The following GRM3 variants were observed in gnomAD, a reference collection of about 807,000 sequenced individuals.
GRM3 encodes glutamate metabotropic receptor 3, also known as metabotropic glutamate receptor 3.
In GRM3, 26 loss-of-function variants were observed where a neutral mutation model predicts 70.5. The observed-to-expected ratio is 0.37, with a 90% confidence interval of 0.27 to 0.51. The LOEUF (loss-of-function observed/expected upper bound fraction) is 0.51, where lower values mean the gene tolerates loss of function less well. Among genes scored for constraint, GRM3 ranks in the 20% least tolerant of loss-of-function variants. GRM3 has a pLI of 0.93. For synonymous variants in GRM3, 443 were observed against 434.9 expected, an observed-to-expected ratio of 1.02 and a Z score of -0.23; for missense variants, 859 against 1,123.8, an observed-to-expected ratio of 0.76 and a Z score of 3.37.
At chr7:86,795,700 T>C (rs1274177344) in intron 3 of GRM3, among the ~76,000 whole-genome samples, 1 of 152,174 alleles carries the variant, frequency 6.6e-6, no homozygotes, top group Non-Finnish European at 1.5e-5. Flanking sequence ...GTTCCATGTC[T>C]TTGCTATAGT....
intron 2 of GRM3, among the ~76,000 whole-genome samples, chr7:86,778,220 T>C (rs1427810014): frequency 6.6e-6 from 1 of 152,216 alleles, no homozygotes; most frequent in African/African-American, 2.4e-5. Flanking sequence ...AATAACATTC[T>C]TCTTGGAAGT....
intron 1 of GRM3, among the ~76,000 whole-genome samples, chr7:86,731,502 C>G (rs1408970506): frequency 6.6e-6 from 1 of 152,122 alleles, no homozygotes; most frequent in Non-Finnish European, 1.5e-5. Context: ...AATAAAAAAG[C>G]TAATTTTACA....
chr7:86,701,954 A>G (rs1322831843), intron 1 of GRM3, among the ~76,000 whole-genome samples: 1 of 152,000 alleles, frequency 6.6e-6, no homozygotes. Flanking sequence ...TACACTAAGG[A>G]AGACACTGAC....
intron 1 of GRM3, among the ~76,000 whole-genome samples, chr7:86,679,285 G>A (rs374511569): frequency 2.1e-4 from 32 of 151,860 alleles, no homozygotes; most frequent in African/African-American, 6.8e-4. Flanking sequence ...TAAGTTATGC[G>A]ATAAAACAAT....
intron 1 of GRM3, among the ~76,000 whole-genome samples, chr7:86,676,343 T>C (rs2115935477): frequency 6.6e-6 from 1 of 152,030 alleles, no homozygotes; most frequent in African/African-American, 2.4e-5. Flanking sequence ...TCAATAAAAG[T>C]GTAAGACTGA....
chr7:86,752,571 T>G (rs1409367018), intron 1 of GRM3, among the ~76,000 whole-genome samples: 1 of 152,018 alleles, frequency 6.6e-6, no homozygotes, highest in African/African-American at 2.4e-5. Flanking sequence ...TACAACAAGA[T>G]AGTAGGGGTC....
rs115386043 is a variant in GRM3 at position 86,664,165 on chromosome 7, C to A, written c.-141+19293C>A. Among the ~76,000 whole-genome samples, 741 of 151,552 alleles carry A rather than the reference C, an allele frequency of 4.9e-3. 7 individuals carry two copies. Among genetic ancestry groups the A allele is most frequent in the African/African-American group, 0.017 (699 of 41,320 alleles). On this transcript the variant is annotated intron_variant, in intron 1 of 5. Coordinates refer to ENST00000361669, the MANE Select transcript of GRM3 (RefSeq NM_000840.3). Reference sequence around the variant, plus strand: ...AATTTTTCTTTTTTTTAAAAAAGACCCTCACTGGAATGTGGAGAATGATGG... The same window carrying A: ...AATTTTTCTTTTTTTTAAAAAAGACACTCACTGGAATGTGGAGAATGATGG...
At chr7:86,720,628 C>A (rs527739670) in intron 1 of GRM3, among the ~76,000 whole-genome samples, 18 of 152,158 alleles carry the variant, frequency 1.2e-4, no homozygotes, top group Non-Finnish European at 2.4e-4. Context: ...TACCCTATAC[C>A]CTTACTACTT....
chr7:86,835,162 A>G lies in GRM3; in HGVS notation c.1325-3677A>G, dbSNP rs1347937300. ...ATTTGGGTATCAGGGGATTTAATAT[A>G]TGACAAGTATTATAAATCAGTGGAA... On this transcript the variant is annotated intron_variant, in intron 3 of 5. Coordinates refer to ENST00000361669, the MANE Select transcript of GRM3 (RefSeq NM_000840.3). Among the ~76,000 whole-genome samples, 7 of 152,114 alleles carry G rather than the reference A, an allele frequency of 4.6e-5. No individual in the cohort carries two copies. In the East Asian group the frequency reaches 1.3e-3, roughly 29 times the overall value.
intron 1 of GRM3, among the ~76,000 whole-genome samples, chr7:86,713,022 T>C (rs1039249266): frequency 6.6e-6 from 1 of 152,122 alleles, no homozygotes; most frequent in African/African-American, 2.4e-5. Context: ...AAATGGTGGT[T>C]CTATATTTAG....
At position 86,786,796 on chromosome 7, in the gene GRM3, G is replaced by C. The variant is rs1310943609; in HGVS notation, c.1004G>C (p.Arg335Pro). 6.2e-7 allele frequency: 1 copy of C among 1,614,018 alleles called. No homozygotes were observed. The highest frequency in any genetic ancestry group is 1.3e-5 in the African/African-American group (1 of 74,946). Residue 335 changes from arginine to proline, a missense_variant, in exon 3 of 6, where the codon CGC becomes CCC. Transcript: ENST00000361669. The surrounding 1 kb of genome is among the most constrained non-coding windows in gnomAD (Gnocchi z 6.0). ...LASQPVRQFDRYFQSLNPYNN... is the reference protein window; with the variant it reads ...LASQPVRQFDPYFQSLNPYNN... ...TCCCAGCCTGTCCGCCAGTTCGACC[G>C]CTACTTCCAGAGCCTCAACCCCTAC...
At chr7:86,706,880 C>A (rs529047939) in intron 1 of GRM3, among the ~76,000 whole-genome samples, 1 of 151,978 alleles carries the variant, frequency 6.6e-6, no homozygotes, top group East Asian at 1.9e-4. Flanking sequence ...CTTTGTATTT[C>A]CTTACAGGGA....
intron 3 of GRM3, among the ~76,000 whole-genome samples, chr7:86,799,494 G>A (rs1797633456): frequency 6.6e-6 from 1 of 151,980 alleles, no homozygotes; most frequent in African/African-American, 2.4e-5. Context: ...TTTGTTATAA[G>A]TGTCTCCTAT....
At chr7:86,791,368 T>C (rs966491716) in intron 3 of GRM3, among the ~76,000 whole-genome samples, 20 of 152,230 alleles carry the variant, frequency 1.3e-4, no homozygotes, top group Non-Finnish European at 2.4e-4. Flanking sequence ...GTGTATGACT[T>C]CTAGAGTGGC....
At chr7:86,673,056 G>A (rs1794213028) in intron 1 of GRM3, among the ~76,000 whole-genome samples, 2 of 152,076 alleles carry the variant, frequency 1.3e-5, no homozygotes, top group Admixed American at 1.3e-4. Context: ...CTATGGGATT[G>A]TTATCAGGTT....
chr7:86,654,923 A>G lies in GRM3; in HGVS notation c.-141+10051A>G, dbSNP rs113653233. 6.9e-3 allele frequency among the ~76,000 whole-genome samples: 1,050 copies of G among 152,354 alleles called. 18 individuals carry two copies. The highest frequency in any genetic ancestry group is 0.024 in the African/African-American group (985 of 41,586). On this transcript the variant is annotated intron_variant, in intron 1 of 5. Transcript: ENST00000361669. The stretch of plus-strand genomic sequence containing the variant: ...AGACAATAAACAAGAGAACAAATAC[A>G]GTGTGAAGAAAATAGAATGAGGGAT...
At chr7:86,824,069 A>C (rs1253691131) in intron 3 of GRM3, among the ~76,000 whole-genome samples, 1 of 152,160 alleles carries the variant, frequency 6.6e-6, no homozygotes, top group East Asian at 1.9e-4. Context: ...AAGACGACCA[A>C]GGCCAGTTCT....
At chr7:86,755,653 A>G (rs184819669) in intron 1 of GRM3, among the ~76,000 whole-genome samples, 1 of 152,298 alleles carries the variant, frequency 6.6e-6, no homozygotes, top group East Asian at 1.9e-4. Flanking sequence ...AGCCTTGACT[A>G]AATCTATTAG....
At chr7:86,673,660 A>G (rs74564637) in intron 1 of GRM3, among the ~76,000 whole-genome samples, 2,004 of 151,944 alleles carry the variant, frequency 0.013, 21 homozygotes, top group Middle Eastern at 0.051. Context: ...CTTAATCCCT[A>G]TCTCCTCATT....
Sources: gnomAD v4.1 joint callset for allele counts (sites outside exome capture counted in the v4.1 genomes callset) on GRCh38, gnomAD v4.1.1 for gene constraint, Gnocchi (gnomAD v3.1) non-coding constraint, MANE v1.5 for transcripts, NCBI Gene and HGNC (gene_info 2026-07-23, HGNC 2026-07-21) for gene names.